ANO3: variants seen among roughly 807,000 people sequenced by gnomAD.
ANO3 encodes anoctamin-3.
Under a neutral mutation model 144.8 loss-of-function variants are expected in ANO3, and 99 were observed. That is an observed-to-expected ratio of 0.68 (90% CI 0.58 to 0.81). The LOEUF is 0.81. ANO3 is among the 30% of genes least tolerant of loss of function. The pLI is 0.00. For synonymous variants in ANO3, 414 were observed against 392.6 expected, an observed-to-expected ratio of 1.05 and a Z score of -0.64; for missense variants, 905 against 1,202.2, an observed-to-expected ratio of 0.75 and a Z score of 3.66.
intron 1 of ANO3, among the ~76,000 whole-genome samples, chr11:26,412,357 A>G (rs1326046181): frequency 1.3e-5 from 2 of 152,066 alleles, no homozygotes; most frequent in African/African-American, 2.4e-5. Context: ...CATTATAATA[A>G]TATTTGACTA....
rs58419788 is a variant in ANO3, at chr11:26,283,321, A to AATATAT, written c.155-26284_155-26279dup. ...TCTTACCAAAATAAACAAATAAATA[A>AATATAT]ATATATATATATATATATATATATA... On this transcript the variant is annotated intron_variant, in intron 1 of 27. Transcript: ENST00000672621. Among the ~76,000 whole-genome samples, 138 of 49,016 alleles carry AATATAT rather than the reference A, an allele frequency of 2.8e-3. 2 individuals carry two copies. The highest frequency in any genetic ancestry group is 6.0e-3 in the South Asian group (6 of 996). 32.2% of individuals were successfully genotyped at this position (49,016 alleles called of 152,430 possible). A position where few individuals can be genotyped will look rare whatever the true frequency, so the allele number is the denominator to read the frequency against.
chr11:26,624,667 T>C (rs1852523021), intron 18 of ANO3, among the ~76,000 whole-genome samples, 169 bp downstream of exon 18: 1 of 152,210 alleles, frequency 6.6e-6, no homozygotes, highest in Admixed American at 6.5e-5. Flanking sequence ...TGAATAACAA[T>C]AGAGAGACAA....
intron 1 of ANO3, among the ~76,000 whole-genome samples, chr11:26,377,344 A>G (rs1385719707): frequency 6.6e-6 from 1 of 152,086 alleles, no homozygotes; most frequent in African/African-American, 2.4e-5. Context: ...GTTTGAAAAT[A>G]TGAGCATAAA....
chr11:26,484,311 A>G (rs1860353850), intron 4 of ANO3, among the ~76,000 whole-genome samples: 1 of 152,150 alleles, frequency 6.6e-6, no homozygotes, highest in South Asian at 2.1e-4. Context: ...GACAATGGGG[A>G]AAATGCCTAT....
chr11:26,355,250 G>T (rs1170636721), intron 1 of ANO3, among the ~76,000 whole-genome samples: 1 of 152,010 alleles, frequency 6.6e-6, no homozygotes, highest in South Asian at 2.1e-4. Context: ...GATTTTTTGA[G>T]CCTTTGCATA....
At chr11:26,402,530 C>T (rs533123196) in intron 1 of ANO3, among the ~76,000 whole-genome samples, 4 of 151,950 alleles carry the variant, frequency 2.6e-5, no homozygotes, top group South Asian at 4.1e-4. Context: ...GGATGTTAGA[C>T]TTTTGTTGGA....
intron 1 of ANO3, among the ~76,000 whole-genome samples, chr11:26,203,309 G>C (rs1278694128): frequency 2.0e-5 from 3 of 152,124 alleles, no homozygotes; most frequent in Admixed American, 1.3e-4. Flanking sequence ...AAATTTAGGA[G>C]AGGCAACATT....
chr11:26,508,317 T>A lies in ANO3; in HGVS notation c.591+55T>A, dbSNP rs756436710. The A allele has an allele frequency of 7.4e-6, 11 of 1,489,824 alleles. No individual in the cohort carries two copies. In the Admixed American group the frequency reaches 2.8e-4, roughly 38 times the overall value. The allele number at this position is 1,489,824 out of a possible 1,614,324, so 92.3% of individuals were successfully genotyped here. On this transcript the variant is annotated intron_variant, in intron 5 of 26. Coordinates refer to ENST00000256737, the MANE Select transcript of ANO3 (RefSeq NM_031418.4). ...ATAAAATGTGTTGGAACAGATATAA[T>A]CACTTATGGTTTAGAAAGAAAAATA...
chr11:26,223,020 G>A (rs1243244030), intron 1 of ANO3, among the ~76,000 whole-genome samples: 2 of 151,582 alleles, frequency 1.3e-5, no homozygotes, highest in African/African-American at 2.4e-5. Context: ...TCTGCAGCCT[G>A]CTTGGACTCT....
intron 14 of ANO3, among the ~76,000 whole-genome samples, chr11:26,582,644 T>C (rs534335131): frequency 6.6e-6 from 1 of 152,298 alleles, no homozygotes; most frequent in East Asian, 1.9e-4. Flanking sequence ...AAAACATACT[T>C]TGGATAGAAA....
intron 1 of ANO3, among the ~76,000 whole-genome samples, chr11:26,398,965 G>C (rs553537711): frequency 1.3e-5 from 2 of 152,136 alleles, no homozygotes; most frequent in East Asian, 3.9e-4. Context: ...GGCAGGTGAT[G>C]GGGTAATGAC....
chr11:26,613,835 G>A (rs58449812), intron 17 of ANO3, among the ~76,000 whole-genome samples: 23,155 of 152,172 alleles, frequency 0.15, 2,057 homozygotes, highest in East Asian at 0.33. Context: ...CTGGGGCAGC[G>A]GGCTGGATGT....
chr11:26,433,636 C>T (rs1436504951), intron 1 of ANO3, among the ~76,000 whole-genome samples: 1 of 152,082 alleles, frequency 6.6e-6, no homozygotes, highest in East Asian at 1.9e-4. Context: ...AGCCTTTCTG[C>T]ATCTATTGAG....
At chr11:26,517,222 C>T (rs776712019) in intron 6 of ANO3, among the ~76,000 whole-genome samples, 31 of 152,036 alleles carry the variant, frequency 2.0e-4, no homozygotes, top group Non-Finnish European at 2.9e-4. Flanking sequence ...CTCCTTATTT[C>T]ATATGGGTGG....
At chr11:26,210,980 T>C (rs1388475439) in intron 1 of ANO3, among the ~76,000 whole-genome samples, 1 of 152,054 alleles carries the variant, frequency 6.6e-6, no homozygotes, top group African/African-American at 2.4e-5. Context: ...TATTCAGGAC[T>C]TGAACTCAGC....
At chr11:26,400,095 C>A (rs1857110345) in intron 1 of ANO3, among the ~76,000 whole-genome samples, 1 of 150,846 alleles carries the variant, frequency 6.6e-6, no homozygotes, top group Non-Finnish European at 1.5e-5. Context: ...TTGTACAAAG[C>A]AAAGTTTTTT....
upstream of ANO3, among the ~76,000 whole-genome samples, chr11:26,306,938 T>G (rs1564958237): frequency 6.6e-6 from 1 of 152,240 alleles, no homozygotes; most frequent in East Asian, 1.9e-4. Flanking sequence ...GCCACAACCT[T>G]TATTGAAGCT....
intron 1 of ANO3, among the ~76,000 whole-genome samples, chr11:26,276,172 A>G (rs188142427): frequency 6.6e-6 from 1 of 152,150 alleles, no homozygotes; most frequent in African/African-American, 2.4e-5. Context: ...TTCCTGACCC[A>G]TTTTTCATAT....
intron 14 of ANO3, among the ~76,000 whole-genome samples, chr11:26,586,817 T>C (rs1034922016): frequency 3.9e-5 from 6 of 151,954 alleles, no homozygotes; most frequent in African/African-American, 1.5e-4. Flanking sequence ...GCTCCTGTAT[T>C]CTTTTAATCT....
Sources: gnomAD v4.1 joint callset for allele counts (sites outside exome capture counted in the v4.1 genomes callset) on GRCh38, gnomAD v4.1.1 for gene constraint, MANE v1.5 for transcripts, NCBI Gene and HGNC (gene_info 2026-07-23, HGNC 2026-07-21) for gene names.